Variants in DNAAF9 observed in about 807,000 individuals in gnomAD.
The protein encoded by DNAAF9 is shulin.
A neutral mutation model predicts 167.0 loss-of-function variants in DNAAF9; 90 were observed. The observed-to-expected ratio is 0.54, with a 90% CI of 0.45 to 0.64. The LOEUF (loss-of-function observed/expected upper bound fraction) is 0.64, where lower values mean the gene tolerates loss of function less well. DNAAF9 is among the 30% of genes least tolerant of loss of function. The pLI is 0.00. For missense variants in DNAAF9, 1,315 were observed against 1,442.2 expected (o/e 0.91, Z 1.43); for synonymous variants, 491 against 508.8 (o/e 0.96, Z 0.47).
At position 3,326,229 on chromosome 20, in the gene DNAAF9, C is replaced by A. The variant is rs773970203; in HGVS notation, c.1156G>T (p.Ala386Ser). 1 of 1,612,922 alleles carries A rather than the reference C, an allele frequency of 6.2e-7. No homozygotes were observed. The highest frequency in any genetic ancestry group is 1.1e-5 in the South Asian group (1 of 91,020). ...AVIEAVLAGIACYAKTSSLTK... is the reference protein window; with the variant it reads ...AVIEAVLAGISCYAKTSSLTK... ...AGACTGGAAGTTTTAGCATAACATG[C>A]AATGCCAGCCAAAACAGCCTCAATA... The change falls in exon 13 of 37, where the codon GCA becomes TCA. Residue 386 changes from alanine to serine, a missense_variant. Transcript: ENST00000252032.
chr20:3,398,218 G>A (rs963222529), intron 1 of DNAAF9, among the ~76,000 whole-genome samples: 2 of 152,164 alleles, frequency 1.3e-5, no homozygotes, highest in South Asian at 2.1e-4. Context: ...AGGAGAATGC[G>A]CAACCAGGTA....
intron 25 of DNAAF9, among the ~76,000 whole-genome samples, 176 bp from the exon 26 acceptor site, chr20:3,290,393 G>T (rs1568581665): frequency 6.6e-6 from 1 of 152,200 alleles, no homozygotes; most frequent in Non-Finnish European, 1.5e-5. Context: ...TGGGTGTGAG[G>T]ATTAACTGGG....
At chr20:3,383,394 G>A (rs1018652731) in intron 1 of DNAAF9, among the ~76,000 whole-genome samples, 2 of 147,618 alleles carry the variant, frequency 1.4e-5, no homozygotes, top group South Asian at 4.3e-4. Flanking sequence ...TCAGCCTCCC[G>A]AATAGCTGGG....
At chr20:3,353,888 C>T (rs2083250091) in intron 7 of DNAAF9, among the ~76,000 whole-genome samples, 1 of 152,048 alleles carries the variant, frequency 6.6e-6, no homozygotes, top group Non-Finnish European at 1.5e-5. Flanking sequence ...CAAAAAACCA[C>T]CCCTGAGGGA....
At chr20:3,393,137 A>G (rs2123280633) in intron 1 of DNAAF9, among the ~76,000 whole-genome samples, 1 of 152,278 alleles carries the variant, frequency 6.6e-6, no homozygotes, top group South Asian at 2.1e-4. Flanking sequence ...GCAGTGGCTC[A>G]TACCTGATCA....
rs557401181 is a variant in DNAAF9, at chr20:3,290,266, T to G, written c.2239-49A>C. On this transcript the variant is annotated intron_variant, in intron 25 of 36. Coordinates refer to ENST00000252032, the MANE Select transcript of DNAAF9 (RefSeq NM_001009984.3). ...TTTGCAATTCAACTGCATTGCATTA[T>G]GTAAGAAGAGGTTAAGAGAACTGAC... The G allele has an allele frequency of 8.4e-6, 10 of 1,184,776 alleles. No individual in the cohort carries two copies. The South Asian group carries it at 1.2e-4, about 14-fold the overall frequency. 73.4% of individuals were successfully genotyped at this position (1,184,776 alleles called of 1,614,324 possible).
intron 20 of DNAAF9, among the ~76,000 whole-genome samples, chr20:3,313,628 T>C (rs2069451457): frequency 1.3e-5 from 2 of 152,162 alleles, no homozygotes; most frequent in South Asian, 2.1e-4. Context: ...GTAAAATCCA[T>C]GCAAGACCAA....
intron 21 of DNAAF9, among the ~76,000 whole-genome samples, chr20:3,303,190 C>T (rs575447476): frequency 2.0e-5 from 3 of 150,394 alleles, no homozygotes; most frequent in East Asian, 2.0e-4. Context: ...TGCAGTGAGT[C>T]GAGATCGCAC....
At chr20:3,369,564 C>T (rs532307857) in intron 6 of DNAAF9, among the ~76,000 whole-genome samples, 5 of 151,934 alleles carry the variant, frequency 3.3e-5, no homozygotes, top group African/African-American at 9.7e-5. Context: ...TTAGTAGAGA[C>T]GGGGGTCTCG....
chr20:3,337,966 T>G lies in DNAAF9; in HGVS notation c.981+2538A>C, dbSNP rs2069995003. Among the ~76,000 whole-genome samples, 3 of 125,782 alleles carry G rather than the reference T, an allele frequency of 2.4e-5. No individual in the cohort carries two copies. The South Asian group carries it at 8.0e-4, about 33-fold the overall frequency. The allele number at this position is 125,782 out of a possible 152,430, so 82.5% of individuals were successfully genotyped here. A position where few individuals can be genotyped will look rare whatever the true frequency, so the allele number is the denominator to read the frequency against. ...TGTGGATCCAAGCTTCTGATATATA[T>G]ATATAATATATAAAATATATAATAC... On this transcript the variant is annotated intron_variant, in intron 10 of 36. Transcript: ENST00000252032.
intron 9 of DNAAF9, among the ~76,000 whole-genome samples, chr20:3,341,085 G>A (rs545316447): frequency 1.9e-4 from 29 of 152,178 alleles, no homozygotes; most frequent in African/African-American, 7.0e-4. Flanking sequence ...GAGCACAGGA[G>A]GGTTGCAAAT....
At chr20:3,275,827 C>G (rs564784448) in intron 29 of DNAAF9, among the ~76,000 whole-genome samples, 1 of 152,286 alleles carries the variant, frequency 6.6e-6, no homozygotes, top group African/African-American at 2.4e-5. Context: ...TATCCTATTC[C>G]CAAGAGCAGA....
intron 25 of DNAAF9, among the ~76,000 whole-genome samples, chr20:3,293,483 G>C (rs548971342): frequency 1.9e-4 from 28 of 148,350 alleles, no homozygotes; most frequent in African/African-American, 7.0e-4. Context: ...TCAAGAGTTC[G>C]AGACCAGCCT....
intron 8 of DNAAF9, among the ~76,000 whole-genome samples, chr20:3,345,764 CAACT>C (rs2070180574): frequency 1.3e-5 from 2 of 151,964 alleles, no homozygotes; most frequent in South Asian, 4.2e-4. Flanking sequence ...ATAAACAAAC[CAACT>C]GACAAATATG....
At chr20:3,334,799 C>T (rs768549700) in intron 10 of DNAAF9, among the ~76,000 whole-genome samples, 9 of 152,194 alleles carry the variant, frequency 5.9e-5, no homozygotes, top group Non-Finnish European at 1.2e-4. Flanking sequence ...TCCTAGCTGG[C>T]TCTCAAGTCA....
intron 23 of DNAAF9, chr20:3,296,163 C>CA (rs1326006779): frequency 5.0e-6 from 3 of 598,268 alleles, no homozygotes; most frequent in Non-Finnish European, 9.9e-6. Context: ...TCTGTAGTCC[C>CA]ACCTGCTAAG....
chr20:3,323,274 C>CTTTTTTTT (rs71195835), intron 14 of DNAAF9, among the ~76,000 whole-genome samples: 4 of 69,084 alleles, frequency 5.8e-5, no homozygotes, highest in Non-Finnish European at 7.5e-5. Flanking sequence ...GTGAAGTAAT[C>CTTTTTTTT]TTTTTTTTTT....
At chr20:3,384,855 C>T (rs1213791988) in intron 1 of DNAAF9, among the ~76,000 whole-genome samples, 1 of 151,934 alleles carries the variant, frequency 6.6e-6, no homozygotes, top group Non-Finnish European at 1.5e-5. Context: ...GAAGAAAAAT[C>T]ACACAACCAA....
At chr20:3,328,869 C>CTT (rs572740669) in intron 12 of DNAAF9, among the ~76,000 whole-genome samples, 11 of 136,816 alleles carry the variant, frequency 8.0e-5, no homozygotes, top group African/African-American at 1.1e-4. Context: ...CACAATTTTC[C>CTT]TTTTTTTTTT....
Sources: gnomAD v4.1 joint callset for allele counts (sites outside exome capture counted in the v4.1 genomes callset) on GRCh38, gnomAD v4.1.1 for gene constraint, MANE v1.5 for transcripts, NCBI Gene and HGNC (gene_info 2026-07-23, HGNC 2026-07-21) for gene names.